The following RABGAP1L variants were observed in gnomAD, a reference collection of about 807,000 sequenced individuals.
RABGAP1L encodes rab GTPase-activating protein 1-like.
RABGAP1L carries 63 observed loss-of-function variants against 137.7 expected under a neutral mutation model. That is an observed-to-expected ratio of 0.46 (90% CI 0.37 to 0.56). The LOEUF is 0.56. Among genes scored for constraint, RABGAP1L ranks in the 20% least tolerant of loss-of-function variants. RABGAP1L has a pLI of 0.00. For synonymous variants in RABGAP1L, 431 were observed against 433.7 expected (o/e 0.99, Z 0.08); for missense variants, 1,095 against 1,244.0 (o/e 0.88, Z 1.80).
At chr1:174,609,536 G>A (rs1671029093) in intron 13 of RABGAP1L, among the ~76,000 whole-genome samples, 1 of 152,016 alleles carries the variant, frequency 6.6e-6, no homozygotes, top group African/African-American at 2.4e-5. Flanking sequence ...TGTCTCATAT[G>A]GTATTAAGAA....
intron 5 of RABGAP1L, chr1:174,246,438 T>G (rs1040554587): frequency 6.6e-6 from 1 of 152,220 alleles, no homozygotes; most frequent in Non-Finnish European, 1.5e-5. Context: ...ATTTCCTTTC[T>G]TGATGTACAG....
At chr1:174,987,911 G>A (rs999650657) in intron 24 of RABGAP1L, among the ~76,000 whole-genome samples, 1 of 152,144 alleles carries the variant, frequency 6.6e-6, no homozygotes, top group African/African-American at 2.4e-5. Flanking sequence ...CCGGGTTCAA[G>A]CGATTCTCCT....
chr1:174,550,893 T>TATAC (rs879450541), intron 13 of RABGAP1L, among the ~76,000 whole-genome samples: 1 of 55,494 alleles, frequency 1.8e-5, no homozygotes, highest in Non-Finnish European at 3.1e-5. Flanking sequence ...TATATATATA[T>TATAC]ATACACACAC....
rs1658167298 is a variant in RABGAP1L at position 174,901,723 on chromosome 1, T to G, written c.2341-55734T>G. On this transcript the variant is annotated intron_variant, in intron 19 of 25. Coordinates refer to ENST00000681986, the MANE Select transcript of RABGAP1L (RefSeq NM_001366446.1). ...TAGTTCTGTGTTCTTGCTGGAGAAG[T>G]GTTAACGGTCATTTGGAAGAGAACA... Among the ~76,000 whole-genome samples, 4 of 152,318 alleles carry G rather than the reference T, an allele frequency of 2.6e-5. No individual in the cohort carries two copies. The South Asian group carries it at 8.3e-4, about 32-fold the overall frequency.
intron 7 of RABGAP1L, among the ~76,000 whole-genome samples, chr1:174,256,614 C>G (rs1208632100): frequency 1.3e-5 from 2 of 152,078 alleles, no homozygotes; most frequent in African/African-American, 4.8e-5. Context: ...AACCCCGTCT[C>G]TACTAAAAAT....
chr1:174,440,891 T>C (rs12078960), intron 13 of RABGAP1L, among the ~76,000 whole-genome samples: 53,531 of 151,982 alleles, frequency 0.35, 12,079 homozygotes, highest in African/African-American at 0.64. Flanking sequence ...ACTATATTGC[T>C]TGTATAGTTC....
At chr1:174,744,043 A>T (rs1377709916) in intron 17 of RABGAP1L, among the ~76,000 whole-genome samples, 1 of 137,288 alleles carries the variant, frequency 7.3e-6, no homozygotes, top group Admixed American at 8.2e-5. Flanking sequence ...TTAAAACAGC[A>T]TGTCTCAATT....
intron 18 of RABGAP1L, among the ~76,000 whole-genome samples, chr1:174,755,870 A>G (rs1684710716): frequency 6.6e-6 from 1 of 152,232 alleles, no homozygotes; most frequent in African/African-American, 2.4e-5. Flanking sequence ...ATATCTTTCC[A>G]TGTCACTAAA....
Position 174,301,751 on chromosome 1 carries a change from T to A in RABGAP1L, c.1324-3235T>A, listed in dbSNP as rs541516767. ...CTCAGATTGGGGAGTGTATGCTGAT[T>A]GGTTTGTGAGTATGCAAAAAGATTA... On this transcript the variant is annotated intron_variant, in intron 10 of 25. Coordinates refer to ENST00000681986, the MANE Select transcript of RABGAP1L (RefSeq NM_001366446.1). Among the ~76,000 whole-genome samples the A allele has an allele frequency of 2.6e-5, 4 of 152,178 alleles. No individual in the cohort carries two copies. The East Asian group carries it at 7.8e-4, about 30-fold the overall frequency.
chr1:174,445,981 G>C (rs941963103), intron 13 of RABGAP1L, among the ~76,000 whole-genome samples: 13 of 152,222 alleles, frequency 8.5e-5, no homozygotes, highest in African/African-American at 3.1e-4. Flanking sequence ...CCTGGCAACT[G>C]TTACCTAGTG....
chr1:174,286,814 G>A (rs1385770455), intron 10 of RABGAP1L, among the ~76,000 whole-genome samples: 1 of 152,006 alleles, frequency 6.6e-6, no homozygotes, highest in Non-Finnish European at 1.5e-5. Context: ...GCTCAGGAAT[G>A]TGTTCTTTAG....
chr1:174,473,797 C>G (rs888493291), intron 13 of RABGAP1L, among the ~76,000 whole-genome samples: 1 of 152,206 alleles, frequency 6.6e-6, no homozygotes, highest in African/African-American at 2.4e-5. Flanking sequence ...GTCCTGCAAT[C>G]ATTCGCCCCT....
At chr1:174,550,959 C>CAT (rs1666441872) in intron 13 of RABGAP1L, among the ~76,000 whole-genome samples, 1 of 112,926 alleles carries the variant, frequency 8.9e-6, no homozygotes, top group Non-Finnish European at 1.7e-5. Context: ...CATATATATA[C>CAT]ACATATATAT....
At chr1:174,433,844 A>G (rs554447885) in intron 13 of RABGAP1L, among the ~76,000 whole-genome samples, 4 of 152,260 alleles carry the variant, frequency 2.6e-5, no homozygotes, top group Non-Finnish European at 4.4e-5. Flanking sequence ...AATTCACTCA[A>G]ATAATTTAGG....
At chr1:174,767,452 T>C (rs1194581663) in intron 18 of RABGAP1L, among the ~76,000 whole-genome samples, 1 of 152,166 alleles carries the variant, frequency 6.6e-6, no homozygotes, top group African/African-American at 2.4e-5. Context: ...TTGATGCTAT[T>C]GTGAATTGAA....
chr1:174,898,282 C>T (rs1410323243), intron 19 of RABGAP1L, among the ~76,000 whole-genome samples: 1 of 152,166 alleles, frequency 6.6e-6, no homozygotes, highest in Non-Finnish European at 1.5e-5. Context: ...GTTACTTGTT[C>T]AAGGTCACAG....
intron 23 of RABGAP1L, among the ~76,000 whole-genome samples, chr1:174,980,490 G>A (rs1670999637): frequency 6.6e-6 from 1 of 152,172 alleles, no homozygotes; most frequent in South Asian, 2.1e-4. Flanking sequence ...TGCTTCAAAG[G>A]CGATGTAAGA....
chr1:174,808,362 G>A (rs1394519829), intron 18 of RABGAP1L, among the ~76,000 whole-genome samples: 3 of 152,198 alleles, frequency 2.0e-5, no homozygotes, highest in South Asian at 2.1e-4. Context: ...CCTAAGATGG[G>A]AAGGTTTCTT....
chr1:174,588,261 T>C (rs528023445), intron 13 of RABGAP1L, among the ~76,000 whole-genome samples: 50 of 152,154 alleles, frequency 3.3e-4, no homozygotes, highest in African/African-American at 1.1e-3. Context: ...CCTCTGGGGT[T>C]CAAGTAATTC....
Sources: gnomAD v4.1 joint callset for allele counts (sites outside exome capture counted in the v4.1 genomes callset) on GRCh38, gnomAD v4.1.1 for gene constraint, MANE v1.5 for transcripts, NCBI Gene and HGNC (gene_info 2026-07-23, HGNC 2026-07-21) for gene names.